Variants in RGS7 observed in about 807,000 individuals in gnomAD.
RGS7 encodes the protein regulator of G-protein signaling 7.
In RGS7, 27 loss-of-function variants were observed where a neutral mutation model predicts 81.1. The observed-to-expected ratio is 0.33, with a 90% confidence interval of 0.25 to 0.46. RGS7 has a LOEUF of 0.46. RGS7 is among the 20% of genes least tolerant of loss of function. The pLI, the probability that RGS7 is intolerant of heterozygous loss-of-function variation, is 1.00. For missense variants in RGS7, 396 were observed against 607.4 expected (o/e 0.65, Z 3.66); for synonymous variants, 208 against 207.7 (o/e 1.00, Z -0.01).
In RGS7 at chr1:240,940,366, T is replaced by A. The variant is rs114999618; in HGVS notation, c.227-3660A>T. Among the ~76,000 whole-genome samples, 1,099 of 152,314 alleles carry A rather than the reference T, an allele frequency of 7.2e-3. 6 individuals are homozygous for A. The highest frequency in any genetic ancestry group is 0.026 in the African/African-American group (1,065 of 41,566). The stretch of plus-strand genomic sequence containing the variant: ...GTATGATTTTCTCTATTAATCTGCC[T>A]GGTATCCACCTGGTCTCCAGATCCA... On this transcript the variant is annotated intron_variant, in intron 4 of 18. Transcript: ENST00000440928.
At chr1:241,246,017 T>C (rs1463490505) in intron 2 of RGS7, among the ~76,000 whole-genome samples, 1 of 151,946 alleles carries the variant, frequency 6.6e-6, no homozygotes, top group African/African-American at 2.4e-5. Context: ...GGCAGGAGAA[T>C]GGCGTGAACC....
At chr1:240,995,683 C>T (rs1167840016) in intron 3 of RGS7, among the ~76,000 whole-genome samples, 1 of 147,602 alleles carries the variant, frequency 6.8e-6, no homozygotes, top group African/African-American at 2.5e-5. Flanking sequence ...TGCTTCATTC[C>T]CGAAAATGGC....
chr1:240,791,906 A>G (rs1686077611), intron 18 of RGS7, among the ~76,000 whole-genome samples: 1 of 152,170 alleles, frequency 6.6e-6, no homozygotes, highest in Non-Finnish European at 1.5e-5. Flanking sequence ...ACTCTTTTTC[A>G]TTCTATTTGA....
At chr1:241,301,125 A>G (rs1038550158) in intron 2 of RGS7, among the ~76,000 whole-genome samples, 5 of 152,242 alleles carry the variant, frequency 3.3e-5, no homozygotes, top group African/African-American at 9.6e-5. Context: ...AAGGTCTTCA[A>G]TGATGAGTTA....
chr1:241,061,398 C>T (rs190515451), intron 3 of RGS7, among the ~76,000 whole-genome samples: 31 of 152,160 alleles, frequency 2.0e-4, no homozygotes, highest in Admixed American at 1.2e-3. Flanking sequence ...TAGAAGAGTT[C>T]GACAGAATTG....
chr1:240,982,865 T>C (rs1685127248), intron 4 of RGS7, among the ~76,000 whole-genome samples: 1 of 152,166 alleles, frequency 6.6e-6, no homozygotes, highest in Admixed American at 6.5e-5. Context: ...TATGGCAGAA[T>C]TAAGGATGTG....
At chr1:240,835,530 G>T (rs1294817189) in intron 9 of RGS7, among the ~76,000 whole-genome samples, 1 of 152,150 alleles carries the variant, frequency 6.6e-6, no homozygotes, top group Non-Finnish European at 1.5e-5. Flanking sequence ...AGACGGTTTG[G>T]CAGTTTCTTA....
chr1:241,081,840 T>A (rs1221357993), intron 3 of RGS7, among the ~76,000 whole-genome samples: 1 of 152,230 alleles, frequency 6.6e-6, no homozygotes, highest in African/African-American at 2.4e-5. Context: ...AAATAATTCA[T>A]CTCCAGAGAT....
chr1:241,092,276 C>T (rs774367756), intron 3 of RGS7, among the ~76,000 whole-genome samples: 3 of 152,280 alleles, frequency 2.0e-5, no homozygotes, highest in Non-Finnish European at 2.9e-5. Flanking sequence ...AACTATCTTA[C>T]AAATTTAAAA....
intron 18 of RGS7, among the ~76,000 whole-genome samples, chr1:240,776,998 A>C (rs1003452754): frequency 2.6e-5 from 4 of 152,204 alleles, no homozygotes; most frequent in African/African-American, 7.2e-5. Flanking sequence ...TACTCTAGAG[A>C]GATAAGAAAT....
chr1:241,108,513 T>C (rs1416894375), intron 2 of RGS7, among the ~76,000 whole-genome samples: 1 of 152,192 alleles, frequency 6.6e-6, no homozygotes, highest in Non-Finnish European at 1.5e-5. Context: ...CCAACGATGC[T>C]AAATGTATGT....
intron 2 of RGS7, among the ~76,000 whole-genome samples, chr1:241,129,560 G>C (rs2103032068): frequency 6.6e-6 from 1 of 152,148 alleles, no homozygotes; most frequent in Admixed American, 6.5e-5. Flanking sequence ...ATCTCTTTAG[G>C]TCACAACAGC....
intron 14 of RGS7, among the ~76,000 whole-genome samples, chr1:240,811,600 T>C (rs1473442282): frequency 6.6e-6 from 1 of 152,252 alleles, no homozygotes; most frequent in African/African-American, 2.4e-5. Flanking sequence ...ATAAATGTTA[T>C]TGGCCAATCT....
intron 2 of RGS7, among the ~76,000 whole-genome samples, chr1:241,320,106 G>T (rs180992051): frequency 2.6e-5 from 4 of 152,260 alleles, no homozygotes; most frequent in Non-Finnish European, 4.4e-5. Flanking sequence ...AAGAAAAAAA[G>T]TTTGAAAATG....
chr1:241,201,897 C>G (rs2073528598), intron 2 of RGS7, among the ~76,000 whole-genome samples: 1 of 151,952 alleles, frequency 6.6e-6, no homozygotes, highest in Non-Finnish European at 1.5e-5. Flanking sequence ...AAAATAATTT[C>G]TACAGCTAAT....
intron 2 of RGS7, among the ~76,000 whole-genome samples, chr1:241,169,395 G>C (rs1343969364): frequency 7.6e-6 from 1 of 131,274 alleles, no homozygotes; most frequent in Non-Finnish European, 1.5e-5. Context: ...CCAGGCTGGA[G>C]TGCAGTGGCG....
At chr1:240,777,527 G>A (rs887035496) in intron 18 of RGS7, among the ~76,000 whole-genome samples, 3 of 152,126 alleles carry the variant, frequency 2.0e-5, no homozygotes, top group Admixed American at 6.5e-5. Context: ...AGGGGTCAGC[G>A]GTGATGGGAG....
At chr1:240,776,883 G>GA (rs1419274609) in intron 18 of RGS7, among the ~76,000 whole-genome samples, 10 of 152,032 alleles carry the variant, frequency 6.6e-5, no homozygotes, top group African/African-American at 9.7e-5. Context: ...CCTAATACAA[G>GA]AAAAAATCTG....
At chr1:241,179,127 C>G (rs7516093) in intron 2 of RGS7, among the ~76,000 whole-genome samples, 1 of 152,134 alleles carries the variant, frequency 6.6e-6, no homozygotes, top group Non-Finnish European at 1.5e-5. Context: ...CAGAGTCTCA[C>G]TCTGTGGCCC....
Sources: allele counts gnomAD v4.1 joint callset (sites outside exome capture counted in the v4.1 genomes callset), GRCh38; gene constraint gnomAD v4.1.1; transcripts MANE v1.5; gene names NCBI Gene and HGNC (gene_info 2026-07-23, HGNC 2026-07-21).